The following UNC13C variants were observed in gnomAD, a reference collection of about 807,000 sequenced individuals.
UNC13C encodes the protein protein unc-13 homolog C.
Under a neutral mutation model 245.4 loss-of-function variants are expected in UNC13C, and 174 were observed. The ratio of observed to expected loss-of-function variants is 0.71; its 90% CI spans 0.63 to 0.80. The LOEUF is 0.80. Ranked by LOEUF, UNC13C falls within the 30% of genes least tolerant of loss-of-function variation. The probability of loss-of-function intolerance (pLI) is 0.00; values close to 1 mark genes in which losing one functional copy is unlikely to be tolerated. For synonymous variants in UNC13C, 992 were observed against 895.1 expected, an observed-to-expected ratio of 1.11 and a Z score of -1.93; for missense variants, 2,829 against 2,602.9, an observed-to-expected ratio of 1.09 and a Z score of -1.89.
At chr15:53,942,448 C>G in the UNC13C span, among the ~76,000 whole-genome samples, 1 of 151,942 alleles carries the variant, frequency 6.6e-6, no homozygotes, top group African/African-American at 2.4e-5. Flanking sequence ...CTAATGGATG[C>G]TGGGCTTAAT....
Position 53,987,262 on chromosome 15 carries a change from T to A in UNC13C, c.-257+8335T>A, listed in dbSNP as rs772881399. Reference sequence around the variant, plus strand: ...TAGTGATGAGGAATGGCTGTCTGGGTAATTCAAATTTTATTTTATTTAGCT... The same window carrying A: ...TAGTGATGAGGAATGGCTGTCTGGGAAATTCAAATTTTATTTTATTTAGCT... On this transcript the variant is annotated intron_variant, in intron 1 of 32. Transcript: ENST00000260323. Among the ~76,000 whole-genome samples the A allele has an allele frequency of 9.3e-3, 1,412 of 152,194 alleles. 7 individuals carry two copies. The highest frequency in any genetic ancestry group is 0.014 in the Non-Finnish European group (933 of 67,960).
intron 4 of UNC13C, among the ~76,000 whole-genome samples, chr15:54,211,723 G>A (rs188981599): frequency 1.3e-5 from 2 of 152,214 alleles, no homozygotes; most frequent in African/African-American, 4.8e-5. Flanking sequence ...TGCAGTGCTA[G>A]TGGGATTTCA....
chr15:53,891,829 G>A, the UNC13C span, among the ~76,000 whole-genome samples: 1 of 152,184 alleles, frequency 6.6e-6, no homozygotes, highest in African/African-American at 2.4e-5. Flanking sequence ...GCCAGTCTGT[G>A]TCTTTTAATT....
At chr15:53,891,786 C>A in the UNC13C span, among the ~76,000 whole-genome samples, 1 of 152,178 alleles carries the variant, frequency 6.6e-6, no homozygotes, top group Non-Finnish European at 1.5e-5. Context: ...CTGAATACAG[C>A]ACACCGATGG....
intron 2 of UNC13C, among the ~76,000 whole-genome samples, chr15:54,051,905 T>TC (rs1210165988): frequency 8.0e-6 from 1 of 124,226 alleles, no homozygotes; most frequent in Non-Finnish European, 1.6e-5. Flanking sequence ...ATGCTATCCC[T>TC]CCCCCCTCCC....
In UNC13C at chr15:54,237,647, C is replaced by G; in HGVS notation, c.3185C>G (p.Ser1062Cys). 6.2e-7 allele frequency: 1 copy of G among 1,612,526 alleles called. No homozygotes were observed. Among genetic ancestry groups the G allele is most frequent in the African/African-American group, 1.3e-5 (1 of 74,994 alleles). The part of the protein sequence containing the change: ...MTLAARKSGL[S>C]LAMVIRTSLN... ...CTGGCTGCCCGGAAATCTGGACTCT[C>G]CCTGGCTATGGTGATTAGGACATCC... Residue 1062 changes from serine (S) to cysteine (C), a missense_variant, in exon 7 of 33, where the codon TCC becomes TGC. By Grantham distance (112) the Ser-to-Cys change is moderately radical. Coordinates refer to ENST00000260323, the MANE Select transcript of UNC13C (RefSeq NM_001080534.3).
downstream of UNC13C, chr15:54,631,508 C>T (rs1445347827): frequency 6.6e-6 from 1 of 152,218 alleles, no homozygotes; most frequent in East Asian, 1.9e-4. Flanking sequence ...TATAGACAAA[C>T]ACTTTTCCTA....
At chr15:54,258,676 CT>C (rs1300913070) in intron 8 of UNC13C, among the ~76,000 whole-genome samples, 1 of 152,034 alleles carries the variant, frequency 6.6e-6, no homozygotes, top group East Asian at 1.9e-4. Flanking sequence ...GCCTGAAGTT[CT>C]TTAATAAATA....
At chr15:54,435,963 G>A (rs963790435) in intron 19 of UNC13C, among the ~76,000 whole-genome samples, 1 of 151,864 alleles carries the variant, frequency 6.6e-6, no homozygotes, top group Non-Finnish European at 1.5e-5. Context: ...CAGTTATGTG[G>A]CCAAGAAACA....
At position 54,015,430 on chromosome 15, in the gene UNC13C, G is replaced by A. The variant is rs1177685604; in HGVS notation, c.2527G>A (p.Glu843Lys). The A allele has an allele frequency of 8.1e-6, 13 of 1,613,500 alleles. No homozygotes were observed. In the Admixed American group the frequency reaches 1.8e-4, roughly 23 times the overall value. ...FRTLSQSTAN[E>K]SSTTLDSDVY... ...GACATTATCTCAATCAACTGCAAAT[G>A]AGTCAAGTACCACACTTGACTCTGA... Residue 843 changes from glutamate to lysine, a missense_variant, in exon 2 of 33, where the codon GAG (glutamate) becomes AAG (lysine). Physicochemically the swap from Glu to Lys is moderately conservative, Grantham distance 56 (BLOSUM62 1). Coordinates refer to ENST00000260323, the MANE Select transcript of UNC13C (RefSeq NM_001080534.3).
At chr15:54,335,548 T>C (rs1217117122) in intron 16 of UNC13C, among the ~76,000 whole-genome samples, 3 of 152,134 alleles carry the variant, frequency 2.0e-5, no homozygotes, top group African/African-American at 7.2e-5. Context: ...TGCTATACCA[T>C]TGTTGTCAAC....
intron 1 of UNC13C, among the ~76,000 whole-genome samples, chr15:54,011,843 G>A (rs1895393519): frequency 6.6e-6 from 1 of 152,144 alleles, no homozygotes; most frequent in African/African-American, 2.4e-5. Flanking sequence ...AATGCAACTG[G>A]CAGATTTCCA....
intron 10 of UNC13C, among the ~76,000 whole-genome samples, chr15:54,265,949 A>G (rs148225713): frequency 5.1e-4 from 78 of 152,140 alleles, no homozygotes; most frequent in African/African-American, 1.8e-3. Context: ...GTTGATGATA[A>G]CTGTTATAAC....
At chr15:54,069,781 C>T (rs574118439) in intron 2 of UNC13C, among the ~76,000 whole-genome samples, 16 of 152,308 alleles carry the variant, frequency 1.1e-4, no homozygotes, top group African/African-American at 3.8e-4. Flanking sequence ...ACCTGACCTC[C>T]AGGGATTCTG....
intron 20 of UNC13C, among the ~76,000 whole-genome samples, chr15:54,496,839 G>T (rs1207068838): frequency 2.0e-5 from 3 of 151,774 alleles, no homozygotes; most frequent in Admixed American, 1.3e-4. Flanking sequence ...TGGGGGGGAA[G>T]GATAAAAGAC....
At chr15:54,444,294 C>A (rs1890685778) in intron 19 of UNC13C, among the ~76,000 whole-genome samples, 1 of 150,594 alleles carries the variant, frequency 6.6e-6, no homozygotes, top group Non-Finnish European at 1.5e-5. Flanking sequence ...TATATATACA[C>A]AAATATATGT....
intron 30 of UNC13C, among the ~76,000 whole-genome samples, chr15:54,615,067 G>A (rs1409143902): frequency 2.0e-5 from 3 of 152,030 alleles, no homozygotes; most frequent in South Asian, 2.1e-4. Flanking sequence ...ATTTTTCAAT[G>A]TGTATGTGAC....
intron 24 of UNC13C, among the ~76,000 whole-genome samples, chr15:54,522,199 G>A (rs930719226): frequency 1.3e-5 from 2 of 151,956 alleles, no homozygotes; most frequent in Admixed American, 6.6e-5. Flanking sequence ...GGCCAGGCGC[G>A]GTGGCTCACG....
At chr15:53,984,978 T>C (rs1894072360) in intron 1 of UNC13C, among the ~76,000 whole-genome samples, 1 of 152,086 alleles carries the variant, frequency 6.6e-6, no homozygotes, top group Non-Finnish European at 1.5e-5. Flanking sequence ...TTTTACTCTT[T>C]ATTTCTTCTA....
Sources: gnomAD v4.1 joint callset for allele counts (sites outside exome capture counted in the v4.1 genomes callset) on GRCh38, gnomAD v4.1.1 for gene constraint, MANE v1.5 for transcripts, NCBI Gene and HGNC (gene_info 2026-07-23, HGNC 2026-07-21) for gene names.